The following AKAP19 variants were observed in gnomAD, a reference collection of about 807,000 sequenced individuals.
AKAP19 encodes the protein small A-kinase anchoring protein.
the AKAP19 span, among the ~76,000 whole-genome samples, chr2:189,955,991 T>C: frequency 2.0e-5 from 3 of 152,130 alleles, no homozygotes; most frequent in Admixed American, 6.6e-5. Flanking sequence ...CACCAAAAAT[T>C]GTAAGTTTTA....
chr2:190,045,776 C>A, the AKAP19 span, among the ~76,000 whole-genome samples: 2 of 152,176 alleles, frequency 1.3e-5, no homozygotes, highest in South Asian at 4.1e-4. Context: ...AGCCTCTTTC[C>A]TAGTAGTATG....
chr2:190,125,522 G>A, the AKAP19 span, among the ~76,000 whole-genome samples: 1 of 152,152 alleles, frequency 6.6e-6, no homozygotes, highest in Non-Finnish European at 1.5e-5. Flanking sequence ...TGATCTAAAT[G>A]AGGCAAACCA....
At chr2:190,128,229 C>T in the AKAP19 span, among the ~76,000 whole-genome samples, 3 of 152,068 alleles carry the variant, frequency 2.0e-5, no homozygotes. Flanking sequence ...TTTAATGGGT[C>T]CACACGCCCT....
At chr2:189,942,112 C>T in the AKAP19 span, among the ~76,000 whole-genome samples, 4 of 152,152 alleles carry the variant, frequency 2.6e-5, no homozygotes, top group Admixed American at 6.5e-5. Context: ...TTTGACTCTG[C>T]CCAAATCTCA....
At chr2:190,073,913 T>G in the AKAP19 span, among the ~76,000 whole-genome samples, 1 of 151,884 alleles carries the variant, frequency 6.6e-6, no homozygotes, top group Admixed American at 6.6e-5. Context: ...TAGCCGGGTG[T>G]GGTGAGACGT....
the AKAP19 span, among the ~76,000 whole-genome samples, chr2:189,984,262 C>G: frequency 3.9e-5 from 6 of 152,254 alleles, no homozygotes; most frequent in South Asian, 1.2e-3. Flanking sequence ...GCAATCTCGA[C>G]CATAAGACAC....
At chr2:189,886,862 C>T in the AKAP19 span, among the ~76,000 whole-genome samples, 1 of 152,138 alleles carries the variant, frequency 6.6e-6, no homozygotes, top group Non-Finnish European at 1.5e-5. Flanking sequence ...GAGGGAGAAA[C>T]TCAAGTCCAG....
the AKAP19 span, among the ~76,000 whole-genome samples, chr2:190,182,841 A>G: frequency 6.6e-6 from 1 of 152,258 alleles, no homozygotes; most frequent in Non-Finnish European, 1.5e-5. Flanking sequence ...GGCTTTATTA[A>G]TTTTTAAATT....
At chr2:190,099,170 G>C in the AKAP19 span, among the ~76,000 whole-genome samples, 2 of 152,130 alleles carry the variant, frequency 1.3e-5, no homozygotes, top group Non-Finnish European at 2.9e-5. Context: ...TCACATCCTG[G>C]CTAACTATTT....
the AKAP19 span, chr2:190,199,636 C>G: frequency 9.3e-7 from 1 of 1,071,860 alleles, no homozygotes; most frequent in Non-Finnish European, 1.2e-6. Flanking sequence ...TTACATGCCA[C>G]TCAATCATAC....
chr2:189,957,315 A>G, the AKAP19 span, among the ~76,000 whole-genome samples: 1 of 152,228 alleles, frequency 6.6e-6, no homozygotes, highest in Non-Finnish European at 1.5e-5. Flanking sequence ...TCTATGCTAT[A>G]CATATATATT....
At chr2:190,166,037 T>C in the AKAP19 span, among the ~76,000 whole-genome samples, 5 of 152,172 alleles carry the variant, frequency 3.3e-5, no homozygotes, top group South Asian at 1.0e-3. Flanking sequence ...ACAGAAAGAT[T>C]ACTAAATGAT....
chr2:189,966,923 A>T, the AKAP19 span, among the ~76,000 whole-genome samples: 1 of 152,214 alleles, frequency 6.6e-6, no homozygotes, highest in Non-Finnish European at 1.5e-5. Flanking sequence ...CTAATCCCTA[A>T]GTGAAATAGT....
the AKAP19 span, among the ~76,000 whole-genome samples, chr2:189,956,380 G>C: frequency 8.6e-5 from 13 of 150,392 alleles, no homozygotes; most frequent in Admixed American, 8.6e-4. Context: ...CGTTTTAGCC[G>C]GGATGGTCTC....
chr2:190,180,885 C>CG, the AKAP19 span: 2 of 985,110 alleles, frequency 2.0e-6, no homozygotes, highest in Non-Finnish European at 1.2e-6. The surrounding 1 kb of genome is among the most constrained non-coding windows in gnomAD (Gnocchi z 6.8). Context: ...TTGGCTGAGC[C>CG]GGGCGCCGGC....
the AKAP19 span, among the ~76,000 whole-genome samples, chr2:189,914,240 A>C: frequency 6.6e-6 from 1 of 152,130 alleles, no homozygotes; most frequent in East Asian, 1.9e-4. Flanking sequence ...TAATATTTAG[A>C]GATCTAGTTT....
At chr2:190,115,274 TATATATATATATATATATATATATA>T in the AKAP19 span, among the ~76,000 whole-genome samples, 1 of 3,892 alleles carries the variant, frequency 2.6e-4, no homozygotes, top group Non-Finnish European at 6.2e-4. Context: ...TATATATATA[TATATATATATATATATATATATATA>T]TATTTTTTTT....
chr2:190,100,019 G>T, the AKAP19 span, among the ~76,000 whole-genome samples: 4 of 152,288 alleles, frequency 2.6e-5, no homozygotes, highest in East Asian at 7.7e-4. Context: ...TCAGATACAG[G>T]CCTTAAACAC....
the AKAP19 span, among the ~76,000 whole-genome samples, chr2:189,995,183 C>T: frequency 6.6e-6 from 1 of 152,100 alleles, no homozygotes; most frequent in Non-Finnish European, 1.5e-5. Flanking sequence ...TCTTTGTTGA[C>T]TTCTGTCTTG....
Sources: gnomAD v4.1 joint callset for allele counts (sites outside exome capture counted in the v4.1 genomes callset) on GRCh38, gnomAD v4.1.1 for gene constraint, Gnocchi (gnomAD v3.1) non-coding constraint, MANE v1.5 for transcripts, NCBI Gene and HGNC (gene_info 2026-07-23, HGNC 2026-07-21) for gene names.